Variants in AMY2B observed in about 807,000 individuals in gnomAD.
The protein encoded by AMY2B is alpha-amylase 2B.
A neutral mutation model predicts 59.3 loss-of-function variants in AMY2B; 63 were observed. The ratio of observed to expected loss-of-function variants is 1.06; its 90% CI spans 0.87 to 1.31. AMY2B has a LOEUF of 1.31. Among genes scored for constraint, AMY2B ranks in the 50% most tolerant of loss-of-function variants. The probability of loss-of-function intolerance (pLI) is 0.00; values close to 1 mark genes in which losing one functional copy is unlikely to be tolerated. For missense variants in AMY2B, 635 were observed against 626.7 expected, an observed-to-expected ratio of 1.01 and a Z score of -0.14; for synonymous variants, 180 against 198.1, an observed-to-expected ratio of 0.91 and a Z score of 0.77.
chr1:103,574,168 C>T, intron 4 of AMY2B, 92 bp from the exon 5 acceptor site: 4 of 1,559,260 alleles, frequency 2.6e-6, no homozygotes, highest in Non-Finnish European at 3.5e-6. Flanking sequence ...TAACAAATAG[C>T]TTAAAGCTAT....
intron 1 of AMY2B, 107 bp downstream of exon 1, chr1:103,571,877 A>G (rs1570645560): frequency 1.2e-6 from 2 of 1,602,968 alleles, no homozygotes; most frequent in East Asian, 4.5e-5. Flanking sequence ...ACAGGTAAGT[A>G]TTCTAAGTAA....
chr1:103,573,689 A>G lies in AMY2B; in HGVS notation c.514-19A>G, dbSNP rs1570647336. The G allele has an allele frequency of 1.2e-6, 2 of 1,613,322 alleles. No individual in the cohort carries two copies. The highest frequency in any genetic ancestry group is 2.2e-5 in the South Asian group (2 of 91,062). ...AAATGAGGTTTTATGAATCAATCAT[A>G]ACATTTTTACCTCAACAGGTCAGAG... is the stretch of plus-strand genomic sequence containing the variant. On this transcript the variant is annotated intron_variant, in intron 3 of 9. Coordinates refer to ENST00000684275, the MANE Select transcript of AMY2B (RefSeq NM_001387437.1).
chr1:103,572,243 G>A lies in AMY2B; in HGVS notation c.302G>A (p.Cys101Tyr), dbSNP rs1209830945. 17 of 1,611,248 alleles carry A rather than the reference G, an allele frequency of 1.1e-5. No homozygotes were observed. The highest frequency in any genetic ancestry group is 1.3e-5 in the Non-Finnish European group (15 of 1,179,432). The change falls in exon 2 of 10, where the codon TGT becomes TAT. Residue 101 changes from cysteine (C) to tyrosine (Y), a missense_variant. Transcript: ENST00000684275. ...EDEFRNMVTRCNNVGVRIYVD... is the reference protein window; with the variant it reads ...EDEFRNMVTRYNNVGVRIYVD... Reference sequence around the variant, plus strand: ...GAATTTAGAAACATGGTGACTAGATGTAACAATGTTGGGGTAAGTGAATTC... The same window carrying A: ...GAATTTAGAAACATGGTGACTAGATATAACAATGTTGGGGTAAGTGAATTC...
At chr1:103,571,884 G>A in intron 1 of AMY2B, 114 bp downstream of exon 1, 1 of 1,596,470 alleles carries the variant, frequency 6.3e-7, no homozygotes, top group Non-Finnish European at 8.5e-7. Context: ...AGTATTCTAA[G>A]TAAGAGTTTT....
chr1:103,562,672 CTTTT>C (rs373215753), intron 1 of AMY2B, among the ~76,000 whole-genome samples: 2 of 112,084 alleles, frequency 1.8e-5, no homozygotes, highest in Non-Finnish European at 3.8e-5. Flanking sequence ...GATAACTTGT[CTTTT>C]TTTTTTTTTT....
intron 1 of AMY2B, 76 bp from the exon 2 acceptor site, chr1:103,572,034 A>G (rs1652154397): frequency 1.3e-6 from 2 of 1,593,430 alleles, no homozygotes; most frequent in Admixed American, 1.8e-5. Context: ...AATTTTTTAT[A>G]TTATTGATTA....
chr1:103,556,933 T>A (rs1213523210), intron 1 of AMY2B, among the ~76,000 whole-genome samples: 4 of 152,138 alleles, frequency 2.6e-5, no homozygotes, highest in African/African-American at 7.2e-5. Context: ...TAATTCATGC[T>A]AACAAATAAT....
chr1:103,574,771 T>TA (rs1652279552), intron 5 of AMY2B, among the ~76,000 whole-genome samples: 2 of 151,580 alleles, frequency 1.3e-5, no homozygotes, highest in East Asian at 3.9e-4. Context: ...ATTAAAAATA[T>TA]AAAAATATTT....
chr1:103,571,039 G>C (rs1652110116), upstream of AMY2B: 2 of 419,246 alleles, frequency 4.8e-6, no homozygotes, highest in Non-Finnish European at 7.1e-6. Context: ...TGTCAGGACT[G>C]AGTGTTCTGG....
chr1:103,556,633 A>AGT (rs1410467076), intron 1 of AMY2B, among the ~76,000 whole-genome samples: 1 of 152,018 alleles, frequency 6.6e-6, no homozygotes, highest in Admixed American at 6.6e-5. Context: ...AGTATAGTAT[A>AGT]ATAGTACTAA....
intron 2 of AMY2B, 117 bp downstream of exon 2, chr1:103,572,373 A>G: frequency 1.3e-6 from 2 of 1,488,640 alleles, no homozygotes; most frequent in Middle Eastern, 2.5e-4. Context: ...ATTTTACTTC[A>G]TACTTTAAAA....
In AMY2B at chr1:103,578,367, G is replaced by C. The variant is rs563694311; in HGVS notation, c.1346+522G>C. ...ATGCATAAATAATATGTATCTTGTG[G>C]TTAATGATTGGCTTCAGGGGATTTG... On this transcript the variant is annotated intron_variant, in intron 9 of 9. Transcript: ENST00000684275. 2.6e-5 allele frequency among the ~76,000 whole-genome samples: 4 copies of C among 152,178 alleles called. No individual in the cohort carries two copies. The South Asian group carries it at 8.3e-4, about 32-fold the overall frequency.
rs1375303260 is a variant in AMY2B at position 103,575,525 on chromosome 1, G to C, written c.1086G>C (p.Gln362His). 6.2e-7 allele frequency: 1 copy of C among 1,613,596 alleles called. No individual in the cohort carries two copies. The highest frequency in any genetic ancestry group is 1.7e-5 in the Admixed American group (1 of 59,952). Residue 362 changes from glutamine (Q) to histidine (H), a missense_variant, in exon 7 of 10, where the codon CAG becomes CAC. Transcript: ENST00000684275. Reference sequence around the variant, plus strand: ...TGTCAAGCTACCGTTGGCCAAGACAGTTTCAAAATGGAAACGTAAGTTTTG... The same window carrying C: ...TGTCAAGCTACCGTTGGCCAAGACACTTTCAAAATGGAAACGTAAGTTTTG... The part of the protein sequence containing the change: ...RVMSSYRWPR[Q>H]FQNGNDVNDW...
chr1:103,574,150 T>G (rs994619334), intron 4 of AMY2B, 110 bp from the exon 5 acceptor site: 1 of 1,509,446 alleles, frequency 6.6e-7, no homozygotes, highest in African/African-American at 1.4e-5. Context: ...GCTTAATTTA[T>G]TAATAAATAA....
At position 103,572,192 on chromosome 1, in the gene AMY2B, T is replaced by G; in HGVS notation, c.251T>G (p.Leu84Ter). Residue 84 changes from leucine to a stop codon, truncating the protein, a stop_gained, in exon 2 of 10, where the codon TTA becomes TGA. Transcript: ENST00000684275. LOFTEE classifies it high-confidence loss of function. ...WERYQPVSYK[L>*]CTRSGNEDEF... ...AGATACCAACCAGTTAGCTATAAAT[T>G]ATGCACAAGATCTGGAAATGAAGAT... 1.2e-6 allele frequency: 2 copies of G among 1,611,658 alleles called. No individual in the cohort carries two copies. Among genetic ancestry groups the G allele is most frequent in the South Asian group, 1.1e-5 (1 of 90,972 alleles).
intron 7 of AMY2B, chr1:103,575,753 A>G: frequency 1.5e-6 from 1 of 679,880 alleles, no homozygotes; most frequent in Non-Finnish European, 2.2e-6. Context: ...CAGACATATG[A>G]TAAACATCCC....
At chr1:103,555,461 T>A (rs1332939361) in intron 1 of AMY2B, among the ~76,000 whole-genome samples, 1 of 152,020 alleles carries the variant, frequency 6.6e-6, no homozygotes, top group Non-Finnish European at 1.5e-5. Context: ...GGGCTTTTGG[T>A]TTTTTGGAAA....
rs538201163 is a variant in AMY2B at position 103,575,938 on chromosome 1, G to A, written c.1101+398G>A. On this transcript the variant is annotated intron_variant, in intron 7 of 9. Coordinates refer to ENST00000684275, the MANE Select transcript of AMY2B (RefSeq NM_001387437.1). The stretch of plus-strand genomic sequence containing the variant: ...CACAGTAAGAACAATATAAATGTTC[G>A]TTAAATATTTTTAAAAAGTTATATG... 8.5e-5 allele frequency among the ~76,000 whole-genome samples: 13 copies of A among 152,128 alleles called. No individual in the cohort carries two copies. The Middle Eastern group carries it at 0.01, about 119-fold the overall frequency.
chr1:103,567,485 T>A (rs2101067296), upstream of AMY2B, among the ~76,000 whole-genome samples: 1 of 152,260 alleles, frequency 6.6e-6, no homozygotes, highest in Middle Eastern at 3.4e-3. Context: ...TTTAATATTT[T>A]TCCTCATCCT....
Sources: allele counts gnomAD v4.1 joint callset (sites outside exome capture counted in the v4.1 genomes callset), GRCh38; gene constraint gnomAD v4.1.1; transcripts MANE v1.5; gene names NCBI Gene and HGNC (gene_info 2026-07-23, HGNC 2026-07-21).